Variants in GABBR2 observed in about 807,000 individuals in gnomAD.
GABBR2 encodes gamma-aminobutyric acid type B receptor subunit 2.
Under a neutral mutation model 105.6 loss-of-function variants are expected in GABBR2, and 23 were observed. The ratio of observed to expected loss-of-function variants is 0.22; its 90% confidence interval spans 0.16 to 0.31. GABBR2 has a LOEUF of 0.31. Among genes scored for constraint, GABBR2 ranks in the 10% least tolerant of loss-of-function variants. The pLI is 1.00. For synonymous variants in GABBR2, 478 were observed against 499.7 expected (o/e 0.96, Z 0.58); for missense variants, 734 against 1,245.5 (o/e 0.59, Z 6.18).
chr9:98,532,777 C>T (rs764792210), intron 3 of GABBR2, among the ~76,000 whole-genome samples: 27 of 152,112 alleles, frequency 1.8e-4, no homozygotes, highest in East Asian at 5.8e-4. Flanking sequence ...ACTTTGAGAA[C>T]GACTGGTGTA....
chr9:98,591,820 T>C (rs1218929862), intron 1 of GABBR2, among the ~76,000 whole-genome samples: 1 of 151,244 alleles, frequency 6.6e-6, no homozygotes, highest in South Asian at 2.1e-4. Flanking sequence ...GGATATGAGC[T>C]CCAGACCTGC....
In GABBR2 at chr9:98,568,757, C is replaced by T. The variant is rs187547134; in HGVS notation, c.459+9178G>A. ...GTCCCGCTTCAAGCCAACTACCAGACTTCTCTGTCCTGAAAACCCTTCTGT... is the reference window on the plus strand; with the variant it reads ...GTCCCGCTTCAAGCCAACTACCAGATTTCTCTGTCCTGAAAACCCTTCTGT... On this transcript the variant is annotated intron_variant, in intron 2 of 18. Coordinates refer to ENST00000259455, the MANE Select transcript of GABBR2 (RefSeq NM_005458.8). Among the ~76,000 whole-genome samples the T allele has an allele frequency of 5.0e-3, 761 of 152,312 alleles. 7 individuals carry two copies. Among genetic ancestry groups the T allele is most frequent in the Non-Finnish European group, 7.9e-3 (538 of 68,028 alleles).
intron 13 of GABBR2, among the ~76,000 whole-genome samples, chr9:98,314,321 A>G (rs914700407): frequency 6.6e-6 from 1 of 152,218 alleles, no homozygotes; most frequent in Non-Finnish European, 1.5e-5. Flanking sequence ...CAACTGACTT[A>G]GTGGCAGAAT....
At chr9:98,614,045 G>A (rs1380653578) in intron 1 of GABBR2, among the ~76,000 whole-genome samples, 1 of 152,152 alleles carries the variant, frequency 6.6e-6, no homozygotes, top group African/African-American at 2.4e-5. Context: ...AAAGGAGAAT[G>A]ATATTGAATA....
intron 4 of GABBR2, among the ~76,000 whole-genome samples, chr9:98,493,123 A>C (rs1193409779): frequency 6.6e-6 from 1 of 152,172 alleles, no homozygotes; most frequent in African/African-American, 2.4e-5. Context: ...TTTGGGTTAT[A>C]TTCTAATACT....
At chr9:98,379,836 C>T (rs1378199665) in intron 11 of GABBR2, among the ~76,000 whole-genome samples, 1 of 152,036 alleles carries the variant, frequency 6.6e-6, no homozygotes, top group African/African-American at 2.4e-5. Context: ...AAACAAAAGC[C>T]ACTGAATTGT....
At chr9:98,304,896 T>C (rs1287805792) in intron 15 of GABBR2, among the ~76,000 whole-genome samples, 1 of 152,214 alleles carries the variant, frequency 6.6e-6, no homozygotes, top group Admixed American at 6.5e-5. Flanking sequence ...TTCAGCCTCC[T>C]GAGTAGCCAG....
Position 98,289,002 on chromosome 9 carries a change from A to T in GABBR2, c.*1582T>A, listed in dbSNP as rs1470916475. On this transcript the variant is annotated 3_prime_UTR_variant, in exon 19 of 19. Transcript: ENST00000259455. ...GCTCAGTTGTGCAGACATCCTGGAC[A>T]TTGTCATTCAGGCCTTTCTTGAGCA... 6.6e-6 allele frequency: 1 copy of T among 152,644 alleles called. No homozygotes were observed. The highest frequency in any genetic ancestry group is 2.4e-5 in the African/African-American group (1 of 41,428). The allele number at this position is 152,644 out of a possible 1,614,324, so 9.5% of individuals were successfully genotyped here.
At chr9:98,611,678 G>T (rs570572383) in intron 1 of GABBR2, among the ~76,000 whole-genome samples, 4 of 152,322 alleles carry the variant, frequency 2.6e-5, no homozygotes, top group African/African-American at 9.6e-5. Flanking sequence ...GCTCTTCAGA[G>T]CACACACCAC....
chr9:98,582,136 C>T (rs77972210), intron 1 of GABBR2, among the ~76,000 whole-genome samples: 1,592 of 152,256 alleles, frequency 0.01, 33 homozygotes, highest in African/African-American at 0.037. Context: ...GCAAAAGGGA[C>T]TTTGTAGATG....
intron 2 of GABBR2, among the ~76,000 whole-genome samples, chr9:98,559,217 C>T (rs1429727500): frequency 6.6e-6 from 1 of 152,182 alleles, no homozygotes; most frequent in African/African-American, 2.4e-5. Context: ...GCATCCTCCA[C>T]CTCCTGGGCT....
intron 3 of GABBR2, among the ~76,000 whole-genome samples, chr9:98,534,328 T>C (rs9408972): frequency 6.1e-5 from 1 of 16,444 alleles, no homozygotes; most frequent in East Asian, 2.7e-3. Flanking sequence ...TGGGGAGTCT[T>C]GGAGCTTGGA....
At chr9:98,380,718 GT>G (rs1831958139) in intron 11 of GABBR2, among the ~76,000 whole-genome samples, 1 of 152,224 alleles carries the variant, frequency 6.6e-6, no homozygotes, top group Non-Finnish European at 1.5e-5. Context: ...GTCAGAGGGA[GT>G]GGGGGATGGG....
At chr9:98,292,054 C>A (rs546594622) in intron 18 of GABBR2, among the ~76,000 whole-genome samples, 97 of 152,220 alleles carry the variant, frequency 6.4e-4, no homozygotes, top group Non-Finnish European at 1.1e-3. Flanking sequence ...GTTGAAAAGG[C>A]TGCTTGCGGC....
At chr9:98,434,871 A>T (rs1825873613) in intron 7 of GABBR2, among the ~76,000 whole-genome samples, 1 of 152,218 alleles carries the variant, frequency 6.6e-6, no homozygotes, top group South Asian at 2.1e-4. Flanking sequence ...GCCTCCAGGG[A>T]CACAGGAAAG....
At chr9:98,536,456 T>G (rs186851597) in intron 3 of GABBR2, among the ~76,000 whole-genome samples, 1 of 152,254 alleles carries the variant, frequency 6.6e-6, no homozygotes, top group Non-Finnish European at 1.5e-5. Flanking sequence ...GGGTAGACCA[T>G]AAGACTTGAA....
chr9:98,411,959 G>A (rs1206422687), intron 7 of GABBR2, among the ~76,000 whole-genome samples: 2 of 152,200 alleles, frequency 1.3e-5, no homozygotes, highest in African/African-American at 2.4e-5. Context: ...GAAGCCAGTA[G>A]GATTTAACAG....
chr9:98,395,737 G>A (rs1164966803), intron 8 of GABBR2, among the ~76,000 whole-genome samples: 6 of 152,112 alleles, frequency 3.9e-5, no homozygotes, highest in Non-Finnish European at 7.4e-5. Context: ...CATCTGGGAG[G>A]ATACCAGCGA....
intron 15 of GABBR2, 138 bp from the exon 16 acceptor site, chr9:98,303,561 G>A (rs1830503952): frequency 2.7e-6 from 2 of 734,444 alleles, no homozygotes; most frequent in South Asian, 3.6e-5. Context: ...TGGGAGTCAG[G>A]AGACCTAGGC....
Sources: allele counts gnomAD v4.1 joint callset (sites outside exome capture counted in the v4.1 genomes callset), GRCh38; gene constraint gnomAD v4.1.1; transcripts MANE v1.5; gene names NCBI Gene and HGNC (gene_info 2026-07-23, HGNC 2026-07-21).